MAGI2: variants seen among roughly 807,000 people sequenced by gnomAD.
MAGI2 encodes the protein membrane associated guanylate kinase, WW and PDZ domain containing 2, also known as membrane-associated guanylate kinase, WW and PDZ domain-containing protein 2.
In MAGI2, 35 loss-of-function variants were observed where a neutral mutation model predicts 133.3. The ratio of observed to expected loss-of-function variants is 0.26; its 90% CI spans 0.20 to 0.35. The LOEUF is 0.35. Among genes scored for constraint, MAGI2 ranks in the 10% least tolerant of loss-of-function variants. The pLI, the probability that MAGI2 is intolerant of heterozygous loss-of-function variation, is 1.00. For synonymous variants in MAGI2, 729 were observed against 710.6 expected (o/e 1.03, Z -0.41); for missense variants, 1,636 against 1,863.4 (o/e 0.88, Z 2.25).
chr7:79,225,714 A>G (rs919951136), intron 1 of MAGI2, among the ~76,000 whole-genome samples: 2 of 152,172 alleles, frequency 1.3e-5, no homozygotes, highest in African/African-American at 4.8e-5. Context: ...TAAAATTATA[A>G]AACTCTCTGG....
chr7:79,116,147 T>C (rs1020641672), intron 1 of MAGI2, among the ~76,000 whole-genome samples: 2 of 152,142 alleles, frequency 1.3e-5, no homozygotes, highest in Non-Finnish European at 2.9e-5. Context: ...ACACTCATCT[T>C]TTCCGTCAGT....
At chr7:78,162,263 C>T (rs1364706684) in intron 15 of MAGI2, among the ~76,000 whole-genome samples, 6 of 151,730 alleles carry the variant, frequency 4.0e-5, no homozygotes, top group African/African-American at 9.7e-5. Context: ...CGGTGGCTCA[C>T]GCCTGTAATC....
At chr7:79,028,221 A>ATATATATGTATG in intron 1 of MAGI2, among the ~76,000 whole-genome samples, 1 of 67,674 alleles carries the variant, frequency 1.5e-5, no homozygotes, top group African/African-American at 5.4e-5. Flanking sequence ...AAAAAAATAT[A>ATATATATGTATG]TATATATATG....
intron 2 of MAGI2, among the ~76,000 whole-genome samples, chr7:78,772,302 C>A (rs1825659053): frequency 6.6e-6 from 1 of 152,006 alleles, no homozygotes; most frequent in African/African-American, 2.4e-5. Context: ...TTTTTGAACA[C>A]TCAGATAAAA....
At chr7:78,785,428 T>A (rs569411617) in intron 2 of MAGI2, among the ~76,000 whole-genome samples, 8 of 152,358 alleles carry the variant, frequency 5.3e-5, no homozygotes, top group African/African-American at 1.4e-4. Context: ...TAGGAAAGTA[T>A]TGAATTGAAA....
At chr7:79,346,402 C>A (rs1841317203) in intron 1 of MAGI2, among the ~76,000 whole-genome samples, 1 of 151,828 alleles carries the variant, frequency 6.6e-6, no homozygotes, top group Admixed American at 6.6e-5. Context: ...TGAGTTTTTC[C>A]CTTCTTGTTT....
At chr7:78,347,559 A>G (rs1218528239) in intron 7 of MAGI2, among the ~76,000 whole-genome samples, 1 of 152,182 alleles carries the variant, frequency 6.6e-6, no homozygotes, top group African/African-American at 2.4e-5. Flanking sequence ...AATAATGAAT[A>G]TTAGCACATG....
Position 78,668,822 on chromosome 7 carries a change from C to T in MAGI2, c.419-41583G>A, listed in dbSNP as rs528343566. Among the ~76,000 whole-genome samples, 24 of 139,310 alleles carry T rather than the reference C, an allele frequency of 1.7e-4. No homozygotes were observed. The East Asian group carries it at 2.1e-3, about 12-fold the overall frequency. 91.4% of individuals were successfully genotyped at this position (139,310 alleles called of 152,430 possible). The stretch of plus-strand genomic sequence containing the variant: ...TGAACAACCTGCTCCTGAATGACTA[C>T]TGGGTACATAACGAAATGAAGGCAG... On this transcript the variant is annotated intron_variant, in intron 2 of 21. Transcript: ENST00000354212.
At chr7:78,546,083 A>G (rs1411197400) in intron 3 of MAGI2, among the ~76,000 whole-genome samples, 7 of 152,228 alleles carry the variant, frequency 4.6e-5, no homozygotes, top group African/African-American at 1.7e-4. Flanking sequence ...AGGCTCTCTC[A>G]AGTCAGCTAT....
chr7:78,799,989 A>G (rs1306969034), intron 2 of MAGI2, among the ~76,000 whole-genome samples: 1 of 152,192 alleles, frequency 6.6e-6, no homozygotes, highest in Non-Finnish European at 1.5e-5. Flanking sequence ...TAGATCTTCC[A>G]TTACACAAAA....
chr7:79,262,977 A>G (rs1034104637), intron 1 of MAGI2, among the ~76,000 whole-genome samples: 2 of 152,186 alleles, frequency 1.3e-5, no homozygotes, highest in African/African-American at 4.8e-5. Context: ...CCATTGATGT[A>G]GCATTTTAAT....
chr7:78,981,754 T>C (rs1027291195), intron 2 of MAGI2, among the ~76,000 whole-genome samples: 3 of 151,920 alleles, frequency 2.0e-5, no homozygotes, highest in African/African-American at 7.2e-5. Flanking sequence ...TATTTGTTTC[T>C]ACAGATAGCT....
chr7:78,449,257 C>T (rs552244036), intron 6 of MAGI2, among the ~76,000 whole-genome samples: 36 of 152,080 alleles, frequency 2.4e-4, no homozygotes, highest in African/African-American at 8.4e-4. Flanking sequence ...TATGTTTGAG[C>T]CCAGAAGAGC....
In MAGI2 at chr7:78,233,386, T is replaced by G. The variant is rs1790181621; in HGVS notation, c.2047+22557A>C. On this transcript the variant is annotated intron_variant, in intron 10 of 21. Coordinates refer to ENST00000354212, the MANE Select transcript of MAGI2 (RefSeq NM_012301.4). ...AGATTCTGGAAGAAATGAGAAATATTCATTCGACAAATAGAAAGTCAACAG... is the reference window on the plus strand; with the variant it reads ...AGATTCTGGAAGAAATGAGAAATATGCATTCGACAAATAGAAAGTCAACAG... 2.0e-5 allele frequency among the ~76,000 whole-genome samples: 3 copies of G among 152,048 alleles called. No individual in the cohort carries two copies. In the South Asian group the frequency reaches 6.2e-4, roughly 32 times the overall value.
At chr7:78,863,440 G>A (rs1794309447) in intron 2 of MAGI2, among the ~76,000 whole-genome samples, 1 of 152,142 alleles carries the variant, frequency 6.6e-6, no homozygotes, top group Non-Finnish European at 1.5e-5. Context: ...GAGAGAGAAA[G>A]GGGGAGGGGT....
chr7:78,585,046 A>C (rs1803255119), intron 3 of MAGI2, among the ~76,000 whole-genome samples: 1 of 152,176 alleles, frequency 6.6e-6, no homozygotes, highest in Non-Finnish European at 1.5e-5. Flanking sequence ...GCTACTCAGG[A>C]TACTATTTTC....
At chr7:78,325,087 A>T (rs1298450999) in intron 9 of MAGI2, among the ~76,000 whole-genome samples, 1 of 152,230 alleles carries the variant, frequency 6.6e-6, no homozygotes, top group East Asian at 1.9e-4. Flanking sequence ...GATTTAAAGC[A>T]TGGCTCCTCC....
chr7:78,143,463 C>T (rs1031952332), intron 16 of MAGI2, among the ~76,000 whole-genome samples: 5 of 151,826 alleles, frequency 3.3e-5, no homozygotes, highest in Non-Finnish European at 5.9e-5. Flanking sequence ...ATTACAGAGC[C>T]TCATCAAGTT....
chr7:78,564,452 C>G (rs186783543), intron 3 of MAGI2, among the ~76,000 whole-genome samples: 1 of 152,282 alleles, frequency 6.6e-6, no homozygotes, highest in South Asian at 2.1e-4. Flanking sequence ...ACTTATTTAT[C>G]AACTTCAATG....
Sources: gnomAD v4.1 joint callset for allele counts (sites outside exome capture counted in the v4.1 genomes callset) on GRCh38, gnomAD v4.1.1 for gene constraint, MANE v1.5 for transcripts, NCBI Gene and HGNC (gene_info 2026-07-23, HGNC 2026-07-21) for gene names.